IGF1R: variants seen among roughly 807,000 people sequenced by gnomAD.
IGF1R encodes the protein insulin like growth factor 1 receptor.
In IGF1R, 44 loss-of-function variants were observed where a neutral mutation model predicts 144.6. The ratio of observed to expected loss-of-function variants is 0.30; its 90% CI spans 0.24 to 0.39. The LOEUF is 0.39. IGF1R is among the 10% of genes least tolerant of loss of function. The pLI, the probability that IGF1R is intolerant of heterozygous loss-of-function variation, is 1.00. For missense variants in IGF1R, 1,355 were observed against 1,833.7 expected (o/e 0.74, Z 4.77); for synonymous variants, 795 against 722.8 (o/e 1.10, Z -1.60).
At chr15:98,676,162 A>T (rs187356831) in intron 1 of IGF1R, among the ~76,000 whole-genome samples, 33 of 151,558 alleles carry the variant, frequency 2.2e-4, no homozygotes, top group Non-Finnish European at 4.4e-4. Context: ...TTTTTTGTAG[A>T]CAAAGTCTCA....
chr15:98,749,441 C>A (rs2054951257), intron 2 of IGF1R, among the ~76,000 whole-genome samples: 1 of 152,120 alleles, frequency 6.6e-6, no homozygotes, highest in Non-Finnish European at 1.5e-5. Flanking sequence ...AATCTGAGGG[C>A]TGGTTACCTG....
rs922419125 is a variant in IGF1R at position 98,935,626 on chromosome 15, C to T, written c.3297+200C>T. ...CAGACTCTGATCTTCGTGAGGGGAACTTCCTGTTCCTTGGATCCCCTCTGC... is the reference window on the plus strand; with the variant it reads ...CAGACTCTGATCTTCGTGAGGGGAATTTCCTGTTCCTTGGATCCCCTCTGC... On this transcript the variant is annotated intron_variant, in intron 17 of 20. Coordinates refer to ENST00000650285, the MANE Select transcript of IGF1R (RefSeq NM_000875.5). The surrounding 1 kb of genome is among the most constrained non-coding windows in gnomAD (Gnocchi z 4.2). 2.6e-5 allele frequency among the ~76,000 whole-genome samples: 4 copies of T among 152,176 alleles called. No individual in the cohort carries two copies. Among genetic ancestry groups the T allele is most frequent in the African/African-American group, 9.7e-5 (4 of 41,428 alleles).
At chr15:98,699,979 A>G (rs575681530) in intron 1 of IGF1R, among the ~76,000 whole-genome samples, 1 of 152,350 alleles carries the variant, frequency 6.6e-6, no homozygotes, top group African/African-American at 2.4e-5. Flanking sequence ...GAATGTATAT[A>G]TACAACGTAA....
chr15:98,673,791 T>C (rs1341067180), intron 1 of IGF1R, among the ~76,000 whole-genome samples: 2 of 152,220 alleles, frequency 1.3e-5, no homozygotes, highest in East Asian at 1.9e-4. Flanking sequence ...AAAATAGTTA[T>C]TGTGCAAATA....
At chr15:98,701,169 G>A (rs993708158) in intron 1 of IGF1R, among the ~76,000 whole-genome samples, 8 of 151,962 alleles carry the variant, frequency 5.3e-5, no homozygotes, top group African/African-American at 1.9e-4. Flanking sequence ...AAGCCCAAAG[G>A]TTTTGTTATG....
At chr15:98,776,835 C>T (rs925163990) in intron 2 of IGF1R, among the ~76,000 whole-genome samples, 3 of 152,176 alleles carry the variant, frequency 2.0e-5, no homozygotes, top group East Asian at 1.9e-4. Flanking sequence ...CGCCCGTGAC[C>T]TTGAATGGTC....
rs79883005 is a variant in IGF1R, at chr15:98,841,710, T to G, written c.641-49615T>G. 3.6e-3 allele frequency among the ~76,000 whole-genome samples: 543 copies of G among 152,318 alleles called. 4 individuals carry two copies. The highest frequency in any genetic ancestry group is 0.011 in the African/African-American group (475 of 41,562). On this transcript the variant is annotated intron_variant, in intron 2 of 20. Coordinates refer to ENST00000650285, the MANE Select transcript of IGF1R (RefSeq NM_000875.5). ...TTGTGGAGGCATTGGAAAAGTGTGTTTGAGAAACAAGCAGCCTCACCATGA... is the reference window on the plus strand; with the variant it reads ...TTGTGGAGGCATTGGAAAAGTGTGTGTGAGAAACAAGCAGCCTCACCATGA...
intron 20 of IGF1R, among the ~76,000 whole-genome samples, chr15:98,955,670 G>T (rs144577618): frequency 6.6e-6 from 1 of 152,336 alleles, no homozygotes; most frequent in Non-Finnish European, 1.5e-5. Context: ...GAAGGAAGCT[G>T]CCAGGTGGCC....
intron 1 of IGF1R, among the ~76,000 whole-genome samples, chr15:98,654,678 T>C (rs1168922184): frequency 6.6e-6 from 1 of 152,240 alleles, no homozygotes; most frequent in Non-Finnish European, 1.5e-5. Context: ...TATTTGCGCC[T>C]GTGGGCGAAC....
chr15:98,771,736 A>G (rs1375661260), intron 2 of IGF1R, among the ~76,000 whole-genome samples: 2 of 20,390 alleles, frequency 9.8e-5, no homozygotes, highest in Non-Finnish European at 8.5e-3. Context: ...ATGAAACATG[A>G]AAAGGGAAAA....
Position 98,891,654 on chromosome 15 carries a change from C to T in IGF1R, c.953+17C>T, listed in dbSNP as rs780190444. On this transcript the variant is annotated intron_variant, in intron 3 of 20. Transcript: ENST00000650285. This position sits in a 1 kb window ranked among gnomAD's most constrained non-coding sequence, Gnocchi z 4.7. ...CAGCCAGAGGTCAGTCGCGGCCACACGTGTGGTCACTACCCGCCCCACCTC... is the reference window on the plus strand; with the variant it reads ...CAGCCAGAGGTCAGTCGCGGCCACATGTGTGGTCACTACCCGCCCCACCTC... The T allele has an allele frequency of 6.9e-6, 11 of 1,597,646 alleles. No individual in the cohort carries two copies. Among genetic ancestry groups the T allele is most frequent in the South Asian group, 5.5e-5 (5 of 90,896 alleles).
At position 98,908,071 on chromosome 15, in the gene IGF1R, G is replaced by T. The variant is rs142842052; in HGVS notation, c.1248-614G>T. On this transcript the variant is annotated intron_variant, in intron 5 of 20. Coordinates refer to ENST00000650285, the MANE Select transcript of IGF1R (RefSeq NM_000875.5). ...CCGAGTCCTCTTGCCTGGATGAGAGGCCCAAGAGCACTGCATGTTAGTGGC... is the reference window on the plus strand; with the variant it reads ...CCGAGTCCTCTTGCCTGGATGAGAGTCCCAAGAGCACTGCATGTTAGTGGC... Among the ~76,000 whole-genome samples the T allele has an allele frequency of 1.3e-3, 196 of 152,336 alleles. 1 individual carries two copies. The highest frequency in any genetic ancestry group is 4.6e-3 in the East Asian group (24 of 5,178).
At chr15:98,693,137 C>A (rs533797762) in intron 1 of IGF1R, among the ~76,000 whole-genome samples, 7 of 152,174 alleles carry the variant, frequency 4.6e-5, no homozygotes, top group Non-Finnish European at 1.0e-4. Context: ...AACGTCCTTG[C>A]TATTTCCTGC....
chr15:98,701,934 C>A (rs141546896), intron 1 of IGF1R, among the ~76,000 whole-genome samples: 1 of 151,764 alleles, frequency 6.6e-6, no homozygotes, highest in African/African-American at 2.4e-5. Context: ...GTAGTGACAG[C>A]CCATTTTGCA....
chr15:98,934,729 C>G (rs868227783), intron 15 of IGF1R, 95 bp from the exon 16 acceptor site: 1 of 1,012,208 alleles, frequency 9.9e-7, no homozygotes. Flanking sequence ...TTTAAGGAAG[C>G]AGCATCTTAT....
At chr15:98,702,139 G>A (rs988193990) in intron 1 of IGF1R, among the ~76,000 whole-genome samples, 5 of 150,912 alleles carry the variant, frequency 3.3e-5, no homozygotes, top group East Asian at 1.9e-4. Context: ...GCTTTGGGGC[G>A]TTTTCTCAGC....
rs1018913866 is a variant in IGF1R at position 98,962,411 on chromosome 15, G to C, written c.*4969G>C. On this transcript the variant is annotated 3_prime_UTR_variant, in exon 21 of 21. Coordinates refer to ENST00000650285, the MANE Select transcript of IGF1R (RefSeq NM_000875.5). ...TGTGGACCAGAGATCCACTCCTTAAGAACCAGTGGCGAAAGACACTTTCTT... is the reference window on the plus strand; with the variant it reads ...TGTGGACCAGAGATCCACTCCTTAACAACCAGTGGCGAAAGACACTTTCTT... 8.6e-6 allele frequency: 2 copies of C among 233,650 alleles called. No homozygotes were observed. The highest frequency in any genetic ancestry group is 1.7e-5 in the Non-Finnish European group (2 of 118,100). The allele number at this position is 233,650 out of a possible 1,614,324, so 14.5% of individuals were successfully genotyped here. A position where few individuals can be genotyped will look rare whatever the true frequency, so the allele number is the denominator to read the frequency against.
At chr15:98,694,892 G>A (rs2053562339) in intron 1 of IGF1R, among the ~76,000 whole-genome samples, 1 of 152,204 alleles carries the variant, frequency 6.6e-6, no homozygotes, top group African/African-American at 2.4e-5. Context: ...AAAGCTAAGT[G>A]TGGAGATAAC....
At chr15:98,897,161 C>T in intron 4 of IGF1R, 1 of 500,126 alleles carries the variant, frequency 2.0e-6, no homozygotes, top group South Asian at 2.1e-5. Flanking sequence ...TTTTGTTAGT[C>T]ACATCTTGCA....
Sources: gnomAD v4.1 joint callset for allele counts (sites outside exome capture counted in the v4.1 genomes callset) on GRCh38, gnomAD v4.1.1 for gene constraint, Gnocchi (gnomAD v3.1) non-coding constraint, MANE v1.5 for transcripts, NCBI Gene and HGNC (gene_info 2026-07-23, HGNC 2026-07-21) for gene names.